Variants in PRDM5 observed in about 807,000 individuals in gnomAD.
PRDM5 encodes PR/SET domain 5.
In PRDM5, 56 loss-of-function variants were observed where a neutral mutation model predicts 81.2. The ratio of observed to expected loss-of-function variants is 0.69; its 90% CI spans 0.56 to 0.86. The LOEUF is 0.86. Among genes scored for constraint, PRDM5 ranks in the 40% least tolerant of loss-of-function variants. The pLI is 0.00. For missense variants in PRDM5, 697 were observed against 770.1 expected (o/e 0.91, Z 1.12); for synonymous variants, 267 against 256.4 (o/e 1.04, Z -0.39).
chr4:120,850,904 A>C (rs967897399), intron 3 of PRDM5, among the ~76,000 whole-genome samples: 2 of 152,180 alleles, frequency 1.3e-5, no homozygotes, highest in Admixed American at 1.3e-4. Flanking sequence ...AAATGAGCGA[A>C]GTGCCTACAA....
chr4:120,734,643 T>C (rs976908807), intron 14 of PRDM5, among the ~76,000 whole-genome samples: 1 of 152,228 alleles, frequency 6.6e-6, no homozygotes. Context: ...GCCACCTCCC[T>C]GTTTTCTCCT....
chr4:120,847,769 T>G (rs1438957207), intron 3 of PRDM5, among the ~76,000 whole-genome samples: 1 of 152,162 alleles, frequency 6.6e-6, no homozygotes, highest in Non-Finnish European at 1.5e-5. Flanking sequence ...AAAGTCATAC[T>G]CTAATAAACG....
chr4:120,891,436 T>C (rs554911126), intron 2 of PRDM5, among the ~76,000 whole-genome samples: 1 of 152,298 alleles, frequency 6.6e-6, no homozygotes, highest in East Asian at 1.9e-4. Flanking sequence ...TCCTTATTAG[T>C]CTAACTAGTG....
At chr4:120,803,049 A>G (rs761270408) in intron 8 of PRDM5, among the ~76,000 whole-genome samples, 1 of 152,238 alleles carries the variant, frequency 6.6e-6, no homozygotes, top group African/African-American at 2.4e-5. Flanking sequence ...CACAAGAACT[A>G]CATGACAAAT....
chr4:120,709,318 C>T (rs1736624409), intron 15 of PRDM5, among the ~76,000 whole-genome samples: 1 of 152,166 alleles, frequency 6.6e-6, no homozygotes, highest in Non-Finnish European at 1.5e-5. Flanking sequence ...AGGGCTGTAG[C>T]TCTGTTCAGT....
At chr4:120,802,702 C>G (rs1310213211) in intron 8 of PRDM5, among the ~76,000 whole-genome samples, 1 of 152,204 alleles carries the variant, frequency 6.6e-6, no homozygotes, top group Admixed American at 6.5e-5. Context: ...AAAACCCCAT[C>G]TGTACGTCAC....
intron 14 of PRDM5, among the ~76,000 whole-genome samples, chr4:120,736,570 G>A (rs1043828305): frequency 1.3e-5 from 2 of 152,080 alleles, no homozygotes; most frequent in South Asian, 2.1e-4. Flanking sequence ...ATTCAGAGAC[G>A]ACCTTTTATC....
intron 2 of PRDM5, 62 bp from the exon 3 acceptor site, chr4:120,853,602 CAAG>C: frequency 6.2e-7 from 1 of 1,605,384 alleles, no homozygotes; most frequent in Non-Finnish European, 8.5e-7. Context: ...TTAAACACAT[CAAG>C]GTTAGGACAT....
chr4:120,754,598 G>A lies in PRDM5; in HGVS notation c.1578C>T (p.Phe526=), dbSNP rs1561100174. The A allele has an allele frequency of 1.9e-6, 3 of 1,602,514 alleles. No homozygotes were observed. Among genetic ancestry groups the A allele is most frequent in the Non-Finnish European group, 2.6e-6 (3 of 1,169,732 alleles). ...GCATCTTCAGTCCATCATTTTTACT[G>A]AATCCTTTTTCACAGTAAGGACATT... is the stretch of plus-strand genomic sequence containing the variant. ...PYQCPYCEKG[F]SKNDGLKMHI... Residue 526 remains phenylalanine, a synonymous_variant, in exon 14 of 16, where the codon TTC becomes TTT. Transcript: ENST00000264808.
At chr4:120,863,191 T>TACAC (rs370387683) in intron 2 of PRDM5, among the ~76,000 whole-genome samples, 1,087 of 70,264 alleles carry the variant, frequency 0.015, 25 homozygotes, top group South Asian at 0.06. Flanking sequence ...TATATATATA[T>TACAC]ACACACACAC....
chr4:120,866,938 A>G (rs1238201704), intron 2 of PRDM5, among the ~76,000 whole-genome samples: 2 of 152,204 alleles, frequency 1.3e-5, no homozygotes, highest in African/African-American at 2.4e-5. Flanking sequence ...CTGGCTGGTA[A>G]GTATAGAAGT....
chr4:120,791,464 A>T (rs1360460454), intron 10 of PRDM5, among the ~76,000 whole-genome samples: 1 of 152,206 alleles, frequency 6.6e-6, no homozygotes, highest in African/African-American at 2.4e-5. Flanking sequence ...ACTTCCTCTT[A>T]CACAAAAACA....
chr4:120,893,452 G>T (rs1764279456), intron 2 of PRDM5, among the ~76,000 whole-genome samples: 1 of 152,032 alleles, frequency 6.6e-6, no homozygotes, highest in East Asian at 1.9e-4. Context: ...CCACCATTTT[G>T]GCCCATCCCC....
chr4:120,821,302 G>A lies in PRDM5; in HGVS notation c.344C>T (p.Thr115Ile), dbSNP rs1180840323. ...GTAGCCAATCAGAAGCTCCGTGTCTGTTTCTATATCTTCAACTGCCAAATA... is the reference window on the plus strand; with the variant it reads ...GTAGCCAATCAGAAGCTCCGTGTCTATTTCTATATCTTCAACTGCCAAATA... ...IFYLAVEDIE[T>I]DTELLIGYLD... Residue 115 changes from threonine (T) to isoleucine (I), a missense_variant, in exon 4 of 16, where the codon ACA (threonine) becomes ATA (isoleucine). Around this residue, in one of 3 missense-constraint regions of PRDM5, gnomAD observed 577 missense variants for 606.7 expected, o/e 0.95. Coordinates refer to ENST00000264808, the MANE Select transcript of PRDM5 (RefSeq NM_018699.4). The A allele has an allele frequency of 2.5e-6, 4 of 1,613,986 alleles. No individual in the cohort carries two copies. The highest frequency in any genetic ancestry group is 2.5e-6 in the Non-Finnish European group (3 of 1,180,002).
intron 1 of PRDM5, among the ~76,000 whole-genome samples, chr4:120,907,870 G>A (rs556740287): frequency 2.0e-5 from 3 of 152,286 alleles, no homozygotes; most frequent in South Asian, 4.1e-4. Flanking sequence ...TCTGGCAAGC[G>A]ATGTTGAAAA....
In PRDM5 at chr4:120,694,946, T is replaced by C. The variant is rs1324094921; in HGVS notation, c.*165A>G. ...TACCATTTCTTGTTAAAAGTAAGACTTTTTTTTGGTTGCATATGCATCTAC... is the reference window on the plus strand; with the variant it reads ...TACCATTTCTTGTTAAAAGTAAGACCTTTTTTTGGTTGCATATGCATCTAC... On this transcript the variant is annotated 3_prime_UTR_variant, in exon 16 of 16. Coordinates refer to ENST00000264808, the MANE Select transcript of PRDM5 (RefSeq NM_018699.4). The C allele has an allele frequency of 5.7e-6, 4 of 705,524 alleles. No homozygotes were observed. Among genetic ancestry groups the C allele is most frequent in the South Asian group, 1.8e-5 (1 of 55,582 alleles). The allele number at this position is 705,524 out of a possible 1,614,324, so 43.7% of individuals were successfully genotyped here. A position where few individuals can be genotyped will look rare whatever the true frequency, so the allele number is the denominator to read the frequency against.
chr4:120,724,085 A>G (rs1378305918), intron 14 of PRDM5, among the ~76,000 whole-genome samples: 1 of 152,072 alleles, frequency 6.6e-6, no homozygotes. Flanking sequence ...GTCTTTTCCT[A>G]TATTTGAACC....
intron 12 of PRDM5, among the ~76,000 whole-genome samples, chr4:120,779,404 C>G (rs1334632685): frequency 1.3e-5 from 2 of 152,076 alleles, no homozygotes; most frequent in Non-Finnish European, 2.9e-5. Flanking sequence ...CTTGAAAGCT[C>G]ACTATACTTT....
Position 120,694,914 on chromosome 4 carries a change from C to A in PRDM5, c.*197G>T. 1.7e-6 allele frequency: 1 copy of A among 596,554 alleles called. No individual in the cohort carries two copies. The allele number at this position is 596,554 out of a possible 1,614,324, so 37.0% of individuals were successfully genotyped here. On this transcript the variant is annotated 3_prime_UTR_variant, in exon 16 of 16. Coordinates refer to ENST00000264808, the MANE Select transcript of PRDM5 (RefSeq NM_018699.4). The stretch of plus-strand genomic sequence containing the variant: ...AAGGCTATGGAGTTGTATTTTTTTT[C>A]CATTTATACCATTTCTTGTTAAAAG...
Sources: gnomAD v4.1 joint callset for allele counts (sites outside exome capture counted in the v4.1 genomes callset) on GRCh38, gnomAD v4.1.1 for gene constraint, gnomAD v4.1.1 regional missense constraint, MANE v1.5 for transcripts, NCBI Gene and HGNC (gene_info 2026-07-23, HGNC 2026-07-21) for gene names.